The following CD109 variants were observed in gnomAD, a reference collection of about 807,000 sequenced individuals.
The protein encoded by CD109 is CD109 antigen.
CD109 carries 149 observed loss-of-function variants against 165.8 expected under a neutral mutation model. That is an observed-to-expected ratio of 0.90 (90% CI 0.79 to 1.03). The LOEUF (loss-of-function observed/expected upper bound fraction) is 1.03. Among genes scored for constraint, CD109 ranks in the 50% least tolerant of loss-of-function variants. The pLI is 0.00. For synonymous variants in CD109, 585 were observed against 592.1 expected, an observed-to-expected ratio of 0.99 and a Z score of 0.18; for missense variants, 1,712 against 1,677.8, an observed-to-expected ratio of 1.02 and a Z score of -0.36.
At chr6:73,797,059 T>G (rs986207080) in intron 23 of CD109, among the ~76,000 whole-genome samples, 2 of 152,230 alleles carry the variant, frequency 1.3e-5, no homozygotes, top group Admixed American at 6.5e-5. Flanking sequence ...TTTTTATTTT[T>G]TAAGAAATTA....
chr6:73,780,224 G>A (rs1774430817), intron 15 of CD109, among the ~76,000 whole-genome samples, 200 bp from the exon 16 acceptor site: 1 of 152,116 alleles, frequency 6.6e-6, no homozygotes, highest in Admixed American at 6.5e-5. Flanking sequence ...TTGCTGAACA[G>A]AGTAAAAGTA....
At chr6:73,728,306 T>A (rs575257941) in intron 3 of CD109, among the ~76,000 whole-genome samples, 4 of 151,942 alleles carry the variant, frequency 2.6e-5, no homozygotes, top group African/African-American at 9.7e-5. Context: ...CAAGAGTTCG[T>A]CTCAAAACAA....
upstream of CD109, among the ~76,000 whole-genome samples, chr6:73,692,329 T>A (rs1770706012): frequency 6.6e-6 from 1 of 152,146 alleles, no homozygotes; most frequent in Non-Finnish European, 1.5e-5. Context: ...GTATCAAAAT[T>A]CAGAAGTTTT....
At chr6:73,761,054 C>T (rs1179961907) in intron 7 of CD109, among the ~76,000 whole-genome samples, 1 of 150,182 alleles carries the variant, frequency 6.7e-6, no homozygotes, top group Non-Finnish European at 1.5e-5. Context: ...CACACACACA[C>T]ACACACACAC....
upstream of CD109, chr6:73,694,499 A>T (rs1468985926): frequency 1.3e-5 from 2 of 152,196 alleles, no homozygotes; most frequent in African/African-American, 4.8e-5. Flanking sequence ...AGTCCCTCTT[A>T]TGTTTGCCTA....
Position 73,766,037 on chromosome 6 carries a change from T to C in CD109, c.1215T>C (p.Ser405=), listed in dbSNP as rs957949533. 9.3e-6 allele frequency: 15 copies of C among 1,613,756 alleles called. No individual in the cohort carries two copies. Among genetic ancestry groups the C allele is most frequent in the African/African-American group, 1.3e-5 (1 of 74,918 alleles). ...ACTATACTGAGTACTGGAGCGGATC[T>C]AACAGTGGAAATCAGAAAATGGAAG... ...QRNYTEYWSG[S]NSGNQKMEAV... The change falls in exon 11 of 33, where the codon TCT becomes TCC. Residue 405 remains serine (S), a synonymous_variant. Coordinates refer to ENST00000287097, the MANE Select transcript of CD109 (RefSeq NM_133493.5).
chr6:73,794,512 C>A (rs1035543038), intron 23 of CD109, among the ~76,000 whole-genome samples: 2 of 152,244 alleles, frequency 1.3e-5, no homozygotes, highest in Admixed American at 1.3e-4. Flanking sequence ...CTGAAGTAAG[C>A]TGTAAGGTGT....
intron 23 of CD109, among the ~76,000 whole-genome samples, chr6:73,793,517 G>GT (rs548112467): frequency 2.9e-4 from 44 of 152,224 alleles, no homozygotes; most frequent in Middle Eastern, 3.4e-3. Context: ...GCATGATCCT[G>GT]TTTTTTTGCA....
At chr6:73,739,150 C>A (rs1772656835) in intron 5 of CD109, among the ~76,000 whole-genome samples, 1 of 152,158 alleles carries the variant, frequency 6.6e-6, no homozygotes, top group Non-Finnish European at 1.5e-5. Flanking sequence ...ATGCAATTTT[C>A]CCTTTTGTAT....
intron 23 of CD109, among the ~76,000 whole-genome samples, chr6:73,796,309 C>T (rs1224373919): frequency 6.6e-6 from 1 of 152,138 alleles, no homozygotes; most frequent in African/African-American, 2.4e-5. Context: ...CCTCCTTAGC[C>T]TCATCTGGAG....
rs1776265177 is a variant in CD109 at position 73,826,061 on chromosome 6, A to G, written c.*2428A>G. The G allele has an allele frequency of 6.6e-6, 1 of 152,154 alleles. No homozygotes were observed. The highest frequency in any genetic ancestry group is 1.5e-5 in the Non-Finnish European group (1 of 68,026). 9.4% of individuals were successfully genotyped at this position (152,154 alleles called of 1,614,324 possible). On this transcript the variant is annotated 3_prime_UTR_variant, in exon 33 of 33. Transcript: ENST00000287097. ...TAAAAATGAAGAGGACAACAATGAG[A>G]AGGAACATAAAGGGTTAGCTAGCAC...
At chr6:73,808,385 T>C (rs1275694165) in intron 26 of CD109, 137 bp downstream of exon 26, 45 of 825,480 alleles carry the variant, frequency 5.5e-5, no homozygotes, top group Non-Finnish European at 7.5e-5. Flanking sequence ...GAGATCAGGA[T>C]GGGCCTGACA....
chr6:73,822,667 C>T (rs1433329931), intron 32 of CD109, among the ~76,000 whole-genome samples: 4 of 152,070 alleles, frequency 2.6e-5, no homozygotes, highest in African/African-American at 9.7e-5. Context: ...ATTTAAGAAA[C>T]AAAAATAATT....
intron 31 of CD109, 30 bp from the exon 32 acceptor site, chr6:73,820,431 A>C: frequency 7.9e-7 from 1 of 1,259,262 alleles, no homozygotes; most frequent in Non-Finnish European, 1.2e-6. Flanking sequence ...CAGTGTGCCA[A>C]CCCCTTAAGA....
Position 73,780,430 on chromosome 6 carries a change from C to T in CD109, c.1834C>T (p.His612Tyr), listed in dbSNP as rs1215141927. ...SNDITMENVV[H>Y]ELELYNTGYY... ...TATTTTATCTTCTCCTTAGGTGGTC[C>T]ATGAGTTGGAACTTTATAACACAGG... is the stretch of plus-strand genomic sequence containing the variant. Residue 612 changes from histidine to tyrosine, a missense_variant, in exon 16 of 33, where the codon CAT (histidine) becomes TAT (tyrosine). His to Tyr is a moderately conservative substitution (Grantham distance 83, BLOSUM62 2). Coordinates refer to ENST00000287097, the MANE Select transcript of CD109 (RefSeq NM_133493.5). The T allele has an allele frequency of 6.3e-7, 1 of 1,591,282 alleles. No individual in the cohort carries two copies. Among genetic ancestry groups the T allele is most frequent in the Non-Finnish European group, 8.6e-7 (1 of 1,160,198 alleles).
the CD109 span, among the ~76,000 whole-genome samples, chr6:73,679,795 C>T: frequency 6.6e-6 from 1 of 152,046 alleles, no homozygotes; most frequent in Non-Finnish European, 1.5e-5. Context: ...CCACCATGCC[C>T]AGCTAATTTT....
intron 23 of CD109, among the ~76,000 whole-genome samples, chr6:73,797,484 C>T (rs1582175988): frequency 6.6e-6 from 1 of 152,148 alleles, no homozygotes. Context: ...TGGCTAGTGG[C>T]CATAGCTTAA....
At chr6:73,679,645 GT>G in the CD109 span, among the ~76,000 whole-genome samples, 1 of 149,252 alleles carries the variant, frequency 6.7e-6, no homozygotes, top group Non-Finnish European at 1.5e-5. Flanking sequence ...TTTGTTTTTT[GT>G]TTTTTTTGAG....
At chr6:73,781,816 G>GACACACACACACACACACACACAC (rs796262663) in intron 17 of CD109, among the ~76,000 whole-genome samples, 1 of 62,872 alleles carries the variant, frequency 1.6e-5, no homozygotes, top group African/African-American at 7.4e-5. Context: ...CACACACGCA[G>GACACACACACACACACACACACAC]ACACACACAC....
Sources: allele counts gnomAD v4.1 joint callset (sites outside exome capture counted in the v4.1 genomes callset), GRCh38; gene constraint gnomAD v4.1.1; transcripts MANE v1.5; gene names NCBI Gene and HGNC (gene_info 2026-07-23, HGNC 2026-07-21).